PRKCE: variants seen among roughly 807,000 people sequenced by gnomAD.
The protein encoded by PRKCE is protein kinase C epsilon.
In PRKCE, 16 loss-of-function variants were observed where a neutral mutation model predicts 85.4. The ratio of observed to expected loss-of-function variants is 0.19; its 90% CI spans 0.13 to 0.28. The LOEUF (loss-of-function observed/expected upper bound fraction) is 0.28. Ranked by LOEUF, PRKCE falls within the 10% of genes least tolerant of loss-of-function variation. The probability of loss-of-function intolerance (pLI) is 1.00; values close to 1 mark genes in which losing one functional copy is unlikely to be tolerated. For missense variants in PRKCE, 573 were observed against 975.2 expected, an observed-to-expected ratio of 0.59 and a Z score of 5.49; for synonymous variants, 388 against 371.5, an observed-to-expected ratio of 1.04 and a Z score of -0.51.
At chr2:46,043,120 G>A (rs1278650471) in intron 10 of PRKCE, among the ~76,000 whole-genome samples, 3 of 149,132 alleles carry the variant, frequency 2.0e-5, no homozygotes, top group Non-Finnish European at 3.0e-5. Flanking sequence ...TTTTTTCAAG[G>A]TGTTCTGTAA....
Position 45,652,462 on chromosome 2 carries a change from C to G in PRKCE, c.348+14C>G, listed in dbSNP as rs752339213. ...TTCGAGGACTGGGTGAGTGCGGCGC[C>G]TCCCCGTCATTCCGGGAACCCGGTT... On this transcript the variant is annotated intron_variant, in intron 1 of 14. Transcript: ENST00000306156. The surrounding 1 kb of genome is among the most constrained non-coding windows in gnomAD (Gnocchi z 7.7). The G allele has an allele frequency of 1.3e-6, 2 of 1,592,700 alleles. No individual in the cohort carries two copies. The highest frequency in any genetic ancestry group is 4.5e-5 in the East Asian group (2 of 44,544).
chr2:45,992,121 G>A (rs995208959), intron 6 of PRKCE, among the ~76,000 whole-genome samples: 4 of 152,190 alleles, frequency 2.6e-5, no homozygotes, highest in Non-Finnish European at 5.9e-5. Context: ...TCAGAAATAA[G>A]TGTGAGCAAT....
At chr2:45,869,963 C>G (rs1371361167) in intron 2 of PRKCE, among the ~76,000 whole-genome samples, 3 of 152,154 alleles carry the variant, frequency 2.0e-5, no homozygotes, top group Non-Finnish European at 2.9e-5. Context: ...ACCTCGGCCT[C>G]CCAAAGTGCT....
At chr2:45,795,517 C>T (rs1032772171) in intron 1 of PRKCE, among the ~76,000 whole-genome samples, 12 of 152,072 alleles carry the variant, frequency 7.9e-5, no homozygotes, top group African/African-American at 2.9e-4. Flanking sequence ...ATCATGTTGG[C>T]CAGGCTGGTC....
chr2:46,017,336 A>G (rs1005320567), intron 10 of PRKCE, among the ~76,000 whole-genome samples: 13 of 152,352 alleles, frequency 8.5e-5, no homozygotes, highest in African/African-American at 3.1e-4. Context: ...AGTATATTTC[A>G]TTTAGCAGAA....
At position 46,145,463 on chromosome 2, in the gene PRKCE, A is replaced by G. The variant is rs1301786480; in HGVS notation, c.1731+232A>G. Among the ~76,000 whole-genome samples the G allele has an allele frequency of 3.9e-5, 6 of 152,234 alleles. No homozygotes were observed. Among genetic ancestry groups the G allele is most frequent in the Non-Finnish European group, 7.3e-5 (5 of 68,036 alleles). On this transcript the variant is annotated intron_variant, in intron 12 of 14. Transcript: ENST00000306156. This position sits in a 1 kb window ranked among gnomAD's most constrained non-coding sequence, Gnocchi z 4.6. Reference sequence around the variant, plus strand: ...AAATGAGAGTAACAGGCTATTTCCCAAACCCGGGCAAGTTCACACTGAACA... The same window carrying G: ...AAATGAGAGTAACAGGCTATTTCCCGAACCCGGGCAAGTTCACACTGAACA...
intron 1 of PRKCE, among the ~76,000 whole-genome samples, chr2:45,728,579 A>T (rs1200603139): frequency 6.6e-6 from 1 of 152,102 alleles, no homozygotes; most frequent in Non-Finnish European, 1.5e-5. Context: ...GAATCTTTGT[A>T]TCTTAGTCAC....
At chr2:46,008,067 A>T (rs192251400) in intron 9 of PRKCE, among the ~76,000 whole-genome samples, 2 of 152,318 alleles carry the variant, frequency 1.3e-5, no homozygotes, top group African/African-American at 4.8e-5. Flanking sequence ...TTGAGAATGA[A>T]TCTCTGCCCT....
chr2:45,748,407 G>C (rs1237848840), intron 1 of PRKCE, among the ~76,000 whole-genome samples: 2 of 152,226 alleles, frequency 1.3e-5, no homozygotes, highest in East Asian at 3.8e-4. Context: ...CTGCGTGAGA[G>C]AGCGCAAGCA....
chr2:45,918,307 G>T (rs555312072), intron 2 of PRKCE, among the ~76,000 whole-genome samples: 3 of 152,232 alleles, frequency 2.0e-5, no homozygotes, highest in Non-Finnish European at 4.4e-5. Flanking sequence ...CCCCAGCAAG[G>T]GTGGGGACTG....
At chr2:45,739,079 T>A (rs1682329303) in intron 1 of PRKCE, among the ~76,000 whole-genome samples, 1 of 152,236 alleles carries the variant, frequency 6.6e-6, no homozygotes, top group African/African-American at 2.4e-5. Flanking sequence ...GGCTGTATTC[T>A]CAGACAAGAT....
chr2:45,788,304 A>T (rs1686773259), intron 1 of PRKCE, among the ~76,000 whole-genome samples: 2 of 152,346 alleles, frequency 1.3e-5, no homozygotes, highest in African/African-American at 4.8e-5. Context: ...TATAATGAAC[A>T]TAATTTAACT....
At chr2:46,089,134 A>G (rs1361023005) in intron 11 of PRKCE, among the ~76,000 whole-genome samples, 1 of 152,110 alleles carries the variant, frequency 6.6e-6, no homozygotes, top group Non-Finnish European at 1.5e-5. Context: ...TTCTTATCAC[A>G]GTGGCTGGCT....
chr2:46,092,692 TG>T (rs1246605673), intron 11 of PRKCE, among the ~76,000 whole-genome samples: 1 of 152,206 alleles, frequency 6.6e-6, no homozygotes, highest in Non-Finnish European at 1.5e-5. Flanking sequence ...TAGAAGAAGC[TG>T]GGGTTGTACT....
intron 1 of PRKCE, among the ~76,000 whole-genome samples, chr2:45,795,323 T>C (rs1231369295): frequency 2.6e-5 from 4 of 152,182 alleles, no homozygotes; most frequent in Non-Finnish European, 5.9e-5. Context: ...TATTATTTTT[T>C]TTGAGATGGA....
chr2:45,677,343 G>GTTTGT (rs1471581124), intron 1 of PRKCE, among the ~76,000 whole-genome samples: 3 of 102,646 alleles, frequency 2.9e-5, no homozygotes, highest in African/African-American at 1.2e-4. Context: ...TTTTTTTTTT[G>GTTTGT]TTGTTGTTGT....
intron 4 of PRKCE, 72 bp from the exon 5 acceptor site, chr2:45,980,224 C>T (rs1702775766): frequency 2.0e-6 from 3 of 1,467,716 alleles, no homozygotes; most frequent in Non-Finnish European, 1.9e-6. Flanking sequence ...TCCACCAAGC[C>T]CTGAATAGAT....
intron 2 of PRKCE, among the ~76,000 whole-genome samples, chr2:45,859,847 C>A (rs1693000141): frequency 6.6e-6 from 1 of 152,148 alleles, no homozygotes; most frequent in South Asian, 2.1e-4. Context: ...GATGCATTCT[C>A]ACCCTGCTAA....
intron 2 of PRKCE, among the ~76,000 whole-genome samples, chr2:45,931,219 C>G (rs143449582): frequency 1.3e-3 from 202 of 152,290 alleles, no homozygotes; most frequent in Non-Finnish European, 2.3e-3. Flanking sequence ...TTATGTAATT[C>G]TAGTATTATG....
Sources: allele counts gnomAD v4.1 joint callset (sites outside exome capture counted in the v4.1 genomes callset), GRCh38; gene constraint gnomAD v4.1.1; non-coding constraint Gnocchi (gnomAD v3.1); transcripts MANE v1.5; gene names NCBI Gene and HGNC (gene_info 2026-07-23, HGNC 2026-07-21).